GOLM1: variants seen among roughly 807,000 people sequenced by gnomAD.
The protein encoded by GOLM1 is golgi membrane protein 1.
GOLM1 carries 31 observed loss-of-function variants against 50.5 expected under a neutral mutation model. The observed-to-expected ratio is 0.61, with a 90% CI of 0.46 to 0.83. The LOEUF is 0.83. GOLM1 is among the 40% of genes least tolerant of loss of function. The pLI is 0.00. For missense variants in GOLM1, 491 were observed against 501.3 expected (o/e 0.98, Z 0.20); for synonymous variants, 178 against 192.8 (o/e 0.92, Z 0.64).
intron 5 of GOLM1, among the ~76,000 whole-genome samples, chr9:86,042,892 G>T (rs1833405550): frequency 6.6e-6 from 1 of 152,208 alleles, no homozygotes; most frequent in African/African-American, 2.4e-5. Flanking sequence ...TGCAGATTGT[G>T]ACAGTGTTTC....
At chr9:86,033,079 G>A (rs1315961114) in intron 9 of GOLM1, among the ~76,000 whole-genome samples, 1 of 152,122 alleles carries the variant, frequency 6.6e-6, no homozygotes, top group Non-Finnish European at 1.5e-5. Flanking sequence ...CAGACTTTCC[G>A]AATGGTTTTC....
intron 3 of GOLM1, among the ~76,000 whole-genome samples, chr9:86,060,802 T>TGGGAGGCAGAGGTTGCG (rs968002084): frequency 5.2e-5 from 7 of 135,270 alleles, no homozygotes; most frequent in African/African-American, 1.9e-4. Context: ...TGCTTGAACC[T>TGGGAGGCAGAGGTTGCG]GGGAGGCAGA....
chr9:86,090,469 G>A (rs558067453), intron 1 of GOLM1, among the ~76,000 whole-genome samples: 1 of 152,150 alleles, frequency 6.6e-6, no homozygotes, highest in Non-Finnish European at 1.5e-5. Context: ...AGGCAGTCTG[G>A]CCACAGTGGC....
chr9:86,027,205 C>G lies in GOLM1; in HGVS notation c.*612G>C, dbSNP rs916309966. On this transcript the variant is annotated 3_prime_UTR_variant, in exon 10 of 10. Coordinates refer to ENST00000388712, the MANE Select transcript of GOLM1 (RefSeq NM_016548.4). ...ATGACAAGGGTTATTATACAAGTAG[C>G]CTTTTAAAAAATTCTCACACAGAAC... 1 of 985,156 alleles carries G rather than the reference C, an allele frequency of 1.0e-6. No homozygotes were observed. The highest frequency in any genetic ancestry group is 1.7e-5 in the African/African-American group (1 of 57,220). 61.0% of individuals were successfully genotyped at this position (985,156 alleles called of 1,614,324 possible). A position where few individuals can be genotyped will look rare whatever the true frequency, so the allele number is the denominator to read the frequency against.
upstream of GOLM1, chr9:86,099,639 G>A (rs868637846): frequency 1.3e-5 from 2 of 149,660 alleles, no homozygotes; most frequent in Non-Finnish European, 3.0e-5. Flanking sequence ...GCGCGGAGAA[G>A]CGAGGCAGGG....
intron 3 of GOLM1, among the ~76,000 whole-genome samples, chr9:86,054,354 A>C (rs1202911667): frequency 6.9e-6 from 1 of 144,962 alleles, no homozygotes; most frequent in Non-Finnish European, 1.5e-5. Flanking sequence ...TGCAACCTCC[A>C]CCTCCTGGGT....
intron 1 of GOLM1, among the ~76,000 whole-genome samples, chr9:86,082,537 C>A (rs1015375899): frequency 4.0e-5 from 6 of 151,854 alleles, no homozygotes; most frequent in African/African-American, 1.2e-4. Context: ...ACTTCCTGGG[C>A]TCAAGTGATC....
chr9:86,035,727 TC>T, intron 7 of GOLM1, 102 bp from the exon 8 acceptor site: 1 of 1,077,030 alleles, frequency 9.3e-7, no homozygotes, highest in South Asian at 1.6e-5. Context: ...CCCAGAGCCT[TC>T]CCAAGGAGTG....
intron 3 of GOLM1, among the ~76,000 whole-genome samples, chr9:86,058,336 T>C (rs898492201): frequency 2.0e-5 from 3 of 152,328 alleles, no homozygotes; most frequent in South Asian, 4.1e-4. Context: ...ACATGAAAGA[T>C]GCTCAACCTC....
intron 8 of GOLM1, 167 bp downstream of exon 8, chr9:86,035,201 C>G: frequency 1.0e-6 from 1 of 985,338 alleles, no homozygotes; most frequent in Non-Finnish European, 1.2e-6. Context: ...CTTCCTGCCT[C>G]CCTCTTGATA....
intron 3 of GOLM1, among the ~76,000 whole-genome samples, 171 bp from the exon 4 acceptor site, chr9:86,052,762 A>G (rs1833798745): frequency 9.0e-6 from 1 of 110,566 alleles, no homozygotes; most frequent in Admixed American, 8.8e-5. Context: ...CTGAAAAGGA[A>G]CAGGCCGACC....
At chr9:86,091,883 A>T (rs781473605) in intron 1 of GOLM1, among the ~76,000 whole-genome samples, 3 of 152,226 alleles carry the variant, frequency 2.0e-5, no homozygotes, top group Non-Finnish European at 4.4e-5. Flanking sequence ...ACAGCCAATA[A>T]AAAATTTATT....
upstream of GOLM1, chr9:86,099,903 C>G (rs1352362406): frequency 6.6e-6 from 1 of 152,454 alleles, no homozygotes; most frequent in Admixed American, 6.5e-5. Flanking sequence ...AGGGAATGTT[C>G]CCGAACAGCC....
intron 1 of GOLM1, among the ~76,000 whole-genome samples, chr9:86,090,019 T>C (rs926117656): frequency 6.6e-6 from 1 of 152,220 alleles, no homozygotes; most frequent in Non-Finnish European, 1.5e-5. Flanking sequence ...GCTGCAGGTC[T>C]GCTGGAGTTT....
chr9:86,054,093 G>A (rs1833912455), intron 3 of GOLM1, among the ~76,000 whole-genome samples: 1 of 152,160 alleles, frequency 6.6e-6, no homozygotes, highest in Non-Finnish European at 1.5e-5. Context: ...TCACCATGCT[G>A]GGAAAGTCAA....
intron 9 of GOLM1, among the ~76,000 whole-genome samples, chr9:86,031,880 C>G (rs758864476): frequency 1.6e-4 from 24 of 147,012 alleles, no homozygotes; most frequent in Middle Eastern, 3.4e-3. Context: ...CAGCCAAGAT[C>G]GCGCCACTGC....
At chr9:86,060,515 AAGT>A (rs1403586849) in intron 3 of GOLM1, among the ~76,000 whole-genome samples, 3 of 152,188 alleles carry the variant, frequency 2.0e-5, no homozygotes, top group Non-Finnish European at 4.4e-5. Flanking sequence ...CAAGGGCACA[AAGT>A]GATGAGGAAA....
intron 3 of GOLM1, among the ~76,000 whole-genome samples, chr9:86,053,179 C>T (rs941238784): frequency 7.5e-6 from 1 of 132,768 alleles, no homozygotes; most frequent in African/African-American, 2.9e-5. Context: ...CCAAACCACA[C>T]ACCACACCCA....
In GOLM1 at chr9:86,033,453, C is replaced by CT. The variant is rs2118630231; in HGVS notation, c.1016-59dup. Reference sequence around the variant, plus strand: ...TCATTTCTGTCTTGATGTCACAGGACTATCAGAGCACAAGTGCTGGGGGTT... The same window carrying CT: ...TCATTTCTGTCTTGATGTCACAGGACTTATCAGAGCACAAGTGCTGGGGGTT... On this transcript the variant is annotated intron_variant, in intron 8 of 9. Coordinates refer to ENST00000388712, the MANE Select transcript of GOLM1 (RefSeq NM_016548.4). 3 of 1,046,414 alleles carry CT rather than the reference C, an allele frequency of 2.9e-6. No individual in the cohort carries two copies. The South Asian group carries it at 3.9e-5, about 13-fold the overall frequency. 64.8% of individuals were successfully genotyped at this position (1,046,414 alleles called of 1,614,324 possible). A position where few individuals can be genotyped will look rare whatever the true frequency, so the allele number is the denominator to read the frequency against.
Sources: allele counts gnomAD v4.1 joint callset (sites outside exome capture counted in the v4.1 genomes callset), GRCh38; gene constraint gnomAD v4.1.1; transcripts MANE v1.5; gene names NCBI Gene and HGNC (gene_info 2026-07-23, HGNC 2026-07-21).